Variants in ST8SIA1 observed in about 807,000 individuals in gnomAD.
ST8SIA1 encodes alpha-N-acetylneuraminide alpha-2,8-sialyltransferase.
ST8SIA1 carries 16 observed loss-of-function variants against 35.9 expected under a neutral mutation model. The observed-to-expected ratio is 0.45, with a 90% CI of 0.30 to 0.68. The LOEUF (loss-of-function observed/expected upper bound fraction) is 0.68. Among genes scored for constraint, ST8SIA1 ranks in the 30% least tolerant of loss-of-function variants. ST8SIA1 has a pLI of 0.09. For missense variants in ST8SIA1, 383 were observed against 453.6 expected (o/e 0.84, Z 1.41); for synonymous variants, 170 against 169.6 (o/e 1.00, Z -0.02).
chr12:22,269,249 G>T (rs1053060813), intron 2 of ST8SIA1, among the ~76,000 whole-genome samples: 1 of 147,810 alleles, frequency 6.8e-6, no homozygotes, highest in Admixed American at 6.8e-5. Context: ...ATACAGGGTT[G>T]TTTTTTTTTT....
At chr12:22,209,759 A>G (rs1028395228) in intron 4 of ST8SIA1, among the ~76,000 whole-genome samples, 5 of 152,238 alleles carry the variant, frequency 3.3e-5, no homozygotes, top group Admixed American at 1.3e-4. Context: ...TTTTTTTACA[A>G]CATCTTTGTT....
At chr12:22,282,323 C>T (rs552756659) in intron 2 of ST8SIA1, among the ~76,000 whole-genome samples, 4 of 152,276 alleles carry the variant, frequency 2.6e-5, no homozygotes, top group South Asian at 2.1e-4. Flanking sequence ...CACACAGAGT[C>T]GCTGTAAGGG....
intron 1 of ST8SIA1, among the ~76,000 whole-genome samples, chr12:22,314,553 C>G (rs1866493205): frequency 6.6e-6 from 1 of 152,112 alleles, no homozygotes; most frequent in African/African-American, 2.4e-5. Flanking sequence ...GAAGAAAACT[C>G]AGTTCTGGTC....
At chr12:22,262,927 T>C (rs1029352172) in intron 2 of ST8SIA1, among the ~76,000 whole-genome samples, 17 of 152,210 alleles carry the variant, frequency 1.1e-4, no homozygotes, top group Admixed American at 9.8e-4. Flanking sequence ...ACCTCCACGT[T>C]ATAAAAAATA....
At chr12:22,316,454 T>C (rs1291987402) in intron 1 of ST8SIA1, among the ~76,000 whole-genome samples, 1 of 152,166 alleles carries the variant, frequency 6.6e-6, no homozygotes, top group African/African-American at 2.4e-5. Context: ...GTGGAAAAAG[T>C]TGGATCTCTA....
At chr12:22,211,114 A>C (rs1231586105) in intron 4 of ST8SIA1, among the ~76,000 whole-genome samples, 1 of 152,152 alleles carries the variant, frequency 6.6e-6, no homozygotes, top group African/African-American at 2.4e-5. Context: ...AATTTGTCTA[A>C]AGTTTTCCTT....
In ST8SIA1 at chr12:22,255,507, G is replaced by A. The variant is rs888074648; in HGVS notation, c.382-118C>T. 5 of 854,644 alleles carry A rather than the reference G, an allele frequency of 5.9e-6. No individual in the cohort carries two copies. In the African/African-American group the frequency reaches 8.4e-5, roughly 14 times the overall value. 52.9% of individuals were successfully genotyped at this position (854,644 alleles called of 1,614,324 possible). On this transcript the variant is annotated intron_variant, in intron 2 of 4. Coordinates refer to ENST00000396037, the MANE Select transcript of ST8SIA1 (RefSeq NM_003034.4). ...ACTGAAGACTGAGTCCAGCAAAAAA[G>A]AGCATGTGAAAAGAAAGATGCCAAG... is the stretch of plus-strand genomic sequence containing the variant.
At chr12:22,297,015 T>A (rs1866254552) in intron 1 of ST8SIA1, among the ~76,000 whole-genome samples, 1 of 152,182 alleles carries the variant, frequency 6.6e-6, no homozygotes, top group South Asian at 2.1e-4. Flanking sequence ...AGCGGGGATG[T>A]CTTTATCCAA....
rs932723926 is a variant in ST8SIA1, at chr12:22,247,629, A to T, written c.584+1377T>A. 2.0e-5 allele frequency among the ~76,000 whole-genome samples: 3 copies of T among 152,176 alleles called. No individual in the cohort carries two copies. In the East Asian group the frequency reaches 5.8e-4, roughly 29 times the overall value. ...TATATACTATAAATGCATTAGAAAC[A>T]TTCAGGATATTTTTTTCAGGGAAGG... On this transcript the variant is annotated intron_variant, in intron 4 of 4. Coordinates refer to ENST00000396037, the MANE Select transcript of ST8SIA1 (RefSeq NM_003034.4).
intron 1 of ST8SIA1, among the ~76,000 whole-genome samples, chr12:22,290,043 A>G (rs1415180528): frequency 2.0e-5 from 3 of 152,232 alleles, no homozygotes; most frequent in Non-Finnish European, 2.9e-5. Flanking sequence ...TAGGGCACTC[A>G]TACCTTTAGT....
chr12:22,208,475 C>T (rs1478216494), intron 4 of ST8SIA1, among the ~76,000 whole-genome samples: 2 of 151,808 alleles, frequency 1.3e-5, no homozygotes, highest in Non-Finnish European at 2.9e-5. Flanking sequence ...CAACAAAGCC[C>T]CCAAACACTT....
At chr12:22,324,770 G>A (rs1010148443) in intron 1 of ST8SIA1, 12 of 131,352 alleles carry the variant, frequency 9.1e-5, no homozygotes, top group African/African-American at 3.8e-4. Flanking sequence ...AACTACATAT[G>A]AAGAAATCAT....
intron 4 of ST8SIA1, among the ~76,000 whole-genome samples, chr12:22,222,651 C>G (rs374360825): frequency 1.3e-5 from 2 of 151,706 alleles, no homozygotes; most frequent in South Asian, 4.2e-4. Context: ...TATACATATA[C>G]TTATATACAC....
In ST8SIA1 at chr12:22,287,295, T is replaced by TAGGAGAGA; in HGVS notation, c.237-10_237-3dup. On this transcript the variant is annotated splice_polypyrimidine_tract_variant and splice_region_variant and intron_variant, in intron 1 of 4. Transcript: ENST00000396037. The stretch of plus-strand genomic sequence containing the variant: ...TCGCAGCAGTCTTCCATTTGTTTCC[T>TAGGAGAGA]AGGAGAGAAAACAGAGAGAGAGAAA... 6.2e-7 allele frequency: 1 copy of TAGGAGAGA among 1,610,060 alleles called. No individual in the cohort carries two copies.
In ST8SIA1 at chr12:22,334,325, GCA is replaced by G; in HGVS notation, c.-95_-94del. The G allele has an allele frequency of 3.2e-6, 3 of 934,270 alleles. No homozygotes were observed. Among genetic ancestry groups the G allele is most frequent in the South Asian group, 1.5e-5 (1 of 66,336 alleles). The allele number at this position is 934,270 out of a possible 1,614,324, so 57.9% of individuals were successfully genotyped here. ...GGGTCCCCCACCGCCAGCCCCCCAT[GCA>G]CACACACCTTTGGTTCTCTTACTTG... On this transcript the variant is annotated 5_prime_UTR_variant, in exon 1 of 5. Coordinates refer to ENST00000396037, the MANE Select transcript of ST8SIA1 (RefSeq NM_003034.4).
rs200072921 is a variant in ST8SIA1, at chr12:22,334,161, C to T, written c.72G>A (p.Pro24=). 1.9e-6 allele frequency: 3 copies of T among 1,613,966 alleles called. No homozygotes were observed. In the African/African-American group the frequency reaches 4.0e-5, roughly 22 times the overall value. The change falls in exon 1 of 5, where the codon CCG becomes CCA. Residue 24 remains proline (P), a synonymous_variant. Coordinates refer to ENST00000396037, the MANE Select transcript of ST8SIA1 (RefSeq NM_003034.4). ...TGGCTCCCATGGGCAGCCGGGTCCG[C>T]GGGAACTTCCACGCCAGTACAGCCA... The part of the protein sequence containing the change: ...GAMAVLAWKF[P]RTRLPMGASA...
At chr12:22,210,172 T>C (rs1487764432) in intron 4 of ST8SIA1, among the ~76,000 whole-genome samples, 3 of 152,206 alleles carry the variant, frequency 2.0e-5, no homozygotes, top group Non-Finnish European at 2.9e-5. Flanking sequence ...CATGAAGAAG[T>C]TGCAGAATTA....
At chr12:22,247,697 T>C (rs895753236) in intron 4 of ST8SIA1, among the ~76,000 whole-genome samples, 1 of 152,066 alleles carries the variant, frequency 6.6e-6, no homozygotes. Flanking sequence ...GAAAGATTGT[T>C]TTTATAAAAG....
At chr12:22,225,573 A>C (rs1314076058) in intron 4 of ST8SIA1, among the ~76,000 whole-genome samples, 1 of 152,226 alleles carries the variant, frequency 6.6e-6, no homozygotes, top group Non-Finnish European at 1.5e-5. Flanking sequence ...ACCTATGTTA[A>C]AGAAAAATGA....
Sources: allele counts gnomAD v4.1 joint callset (sites outside exome capture counted in the v4.1 genomes callset), GRCh38; gene constraint gnomAD v4.1.1; transcripts MANE v1.5; gene names NCBI Gene and HGNC (gene_info 2026-07-23, HGNC 2026-07-21).